KCNQ5: variants seen among roughly 807,000 people sequenced by gnomAD.
KCNQ5 encodes potassium voltage-gated channel subfamily Q member 5.
Under a neutral mutation model 98.2 loss-of-function variants are expected in KCNQ5, and 30 were observed. The observed-to-expected ratio is 0.31, with a 90% CI of 0.23 to 0.41. KCNQ5 has a LOEUF of 0.41. KCNQ5 is among the 10% of genes least tolerant of loss of function. KCNQ5 has a pLI of 1.00. For synonymous variants in KCNQ5, 458 were observed against 449.4 expected (o/e 1.02, Z -0.24); for missense variants, 835 against 1,182.5 (o/e 0.71, Z 4.31).
chr6:72,625,449 G>A (rs983022883), intron 1 of KCNQ5, among the ~76,000 whole-genome samples: 1 of 152,108 alleles, frequency 6.6e-6, no homozygotes, highest in African/African-American at 2.4e-5. Flanking sequence ...TCAAACATGA[G>A]GTGGCTCATT....
At chr6:72,701,770 A>G (rs905975641) in intron 1 of KCNQ5, among the ~76,000 whole-genome samples, 2 of 152,140 alleles carry the variant, frequency 1.3e-5, no homozygotes, top group Non-Finnish European at 1.5e-5. Context: ...GCTGGAGTGC[A>G]ATGGTGCGAT....
intron 1 of KCNQ5, among the ~76,000 whole-genome samples, chr6:72,980,082 TG>T (rs1768361721): frequency 6.6e-6 from 1 of 152,212 alleles, no homozygotes; most frequent in Non-Finnish European, 1.5e-5. Flanking sequence ...ACTGTAGCCT[TG>T]TAGTATAGTT....
intron 1 of KCNQ5, among the ~76,000 whole-genome samples, chr6:72,953,963 T>C (rs975494276): frequency 1.3e-5 from 2 of 152,096 alleles, no homozygotes; most frequent in African/African-American, 4.8e-5. Context: ...GGGTGACTTA[T>C]GAAATTTCAA....
intron 1 of KCNQ5, among the ~76,000 whole-genome samples, chr6:72,626,992 A>G (rs2098918267): frequency 1.3e-5 from 2 of 152,190 alleles, no homozygotes; most frequent in African/African-American, 4.8e-5. Context: ...GGTGAATATA[A>G]TGGGTTCGGA....
At position 73,149,095 on chromosome 6, in the gene KCNQ5, A is replaced by G. The variant is rs753021016; in HGVS notation, c.1468+15454A>G. Reference sequence around the variant, plus strand: ...AAATACTGTATCTACCATGCTTTTCAAGCTATGGTAGAGTGTCATGAAATC... The same window carrying G: ...AAATACTGTATCTACCATGCTTTTCGAGCTATGGTAGAGTGTCATGAAATC... On this transcript the variant is annotated intron_variant, in intron 10 of 13. Transcript: ENST00000370398. 3.9e-5 allele frequency among the ~76,000 whole-genome samples: 6 copies of G among 152,190 alleles called. No individual in the cohort carries two copies. In the South Asian group the frequency reaches 8.3e-4, roughly 21 times the overall value.
intron 1 of KCNQ5, among the ~76,000 whole-genome samples, chr6:73,002,226 T>C (rs756795540): frequency 1.2e-4 from 18 of 152,226 alleles, no homozygotes; most frequent in Non-Finnish European, 2.1e-4. Context: ...TGGAGCCTTC[T>C]GTTTAGAATG....
chr6:73,041,815 T>C, intron 2 of KCNQ5, 121 bp from the exon 3 acceptor site: 2 of 1,063,206 alleles, frequency 1.9e-6, no homozygotes, highest in Middle Eastern at 2.2e-4. Context: ...TTCTTAACTT[T>C]AGATATTAAC....
intron 2 of KCNQ5, among the ~76,000 whole-genome samples, chr6:73,007,304 T>C (rs1307447756): frequency 2.0e-5 from 3 of 152,184 alleles, no homozygotes; most frequent in South Asian, 2.1e-4. Context: ...AAGAATGTGA[T>C]ACAGACTATA....
intron 1 of KCNQ5, among the ~76,000 whole-genome samples, chr6:72,667,762 T>A (rs867619247): frequency 3.3e-5 from 5 of 152,198 alleles, no homozygotes; most frequent in Non-Finnish European, 4.4e-5. Context: ...TAGGGCATAT[T>A]GAAATGATGT....
At chr6:72,651,991 C>T (rs917195876) in intron 1 of KCNQ5, among the ~76,000 whole-genome samples, 5 of 151,830 alleles carry the variant, frequency 3.3e-5, no homozygotes, top group Admixed American at 1.3e-4. Context: ...TTTTTGATGA[C>T]GGTGGTTAGG....
chr6:72,849,269 T>A (rs1777148189), intron 1 of KCNQ5, among the ~76,000 whole-genome samples: 2 of 152,204 alleles, frequency 1.3e-5, no homozygotes, highest in Non-Finnish European at 2.9e-5. Context: ...GGTATCTTTT[T>A]GCTATCACAA....
At chr6:73,003,567 A>G (rs528888584) in intron 1 of KCNQ5, among the ~76,000 whole-genome samples, 32 of 152,264 alleles carry the variant, frequency 2.1e-4, no homozygotes, top group African/African-American at 7.2e-4. Context: ...ATAGGAGAGC[A>G]AGAACATACT....
At chr6:73,067,900 AT>A (rs1773130277) in intron 3 of KCNQ5, among the ~76,000 whole-genome samples, 2 of 462 alleles carry the variant, frequency 4.3e-3, no homozygotes, top group African/African-American at 2.4e-3. Flanking sequence ...ATATATATAT[AT>A]ATATAACTAA....
At chr6:72,866,671 A>G (rs1778000902) in intron 1 of KCNQ5, among the ~76,000 whole-genome samples, 1 of 152,214 alleles carries the variant, frequency 6.6e-6, no homozygotes, top group Non-Finnish European at 1.5e-5. Context: ...TCCAAACCAC[A>G]CTTAAGTCAA....
chr6:73,121,138 A>G (rs1162550678), intron 8 of KCNQ5, among the ~76,000 whole-genome samples: 1 of 152,228 alleles, frequency 6.6e-6, no homozygotes, highest in Non-Finnish European at 1.5e-5. Context: ...CAGCGGATTA[A>G]AATTTGGAAT....
At chr6:73,028,861 TGTC>T (rs2150346078) in intron 2 of KCNQ5, among the ~76,000 whole-genome samples, 1 of 152,310 alleles carries the variant, frequency 6.6e-6, no homozygotes, top group African/African-American at 2.4e-5. Context: ...CCAAATCAAG[TGTC>T]GTGTTGCCAG....
At chr6:73,166,031 G>A (rs1443710579) in intron 10 of KCNQ5, among the ~76,000 whole-genome samples, 1 of 152,154 alleles carries the variant, frequency 6.6e-6, no homozygotes, top group African/African-American at 2.4e-5. Flanking sequence ...GAACCCAACT[G>A]CTGGGGTTAA....
intron 10 of KCNQ5, among the ~76,000 whole-genome samples, chr6:73,150,641 C>T (rs772160401): frequency 4.0e-5 from 6 of 150,502 alleles, no homozygotes; most frequent in Non-Finnish European, 7.4e-5. Context: ...TTAAACATAT[C>T]GTGGCACATA....
At chr6:73,099,061 C>T (rs1003109857) in intron 5 of KCNQ5, among the ~76,000 whole-genome samples, 6 of 151,824 alleles carry the variant, frequency 4.0e-5, no homozygotes, top group South Asian at 2.1e-4. Context: ...TTTATGCAAT[C>T]GGAGTTAAAT....
Sources: allele counts gnomAD v4.1 joint callset (sites outside exome capture counted in the v4.1 genomes callset), GRCh38; gene constraint gnomAD v4.1.1; transcripts MANE v1.5; gene names NCBI Gene and HGNC (gene_info 2026-07-23, HGNC 2026-07-21).